The following MAST2 variants were observed in gnomAD, a reference collection of about 807,000 sequenced individuals.
The protein encoded by MAST2 is microtubule associated serine/threonine kinase 2.
A neutral mutation model predicts 147.4 loss-of-function variants in MAST2; 70 were observed. The ratio of observed to expected loss-of-function variants is 0.47; its 90% confidence interval spans 0.39 to 0.58. MAST2 has a LOEUF of 0.58. Ranked by LOEUF, MAST2 falls within the 20% of genes least tolerant of loss-of-function variation. The probability of loss-of-function intolerance (pLI) is 0.00; values close to 1 mark genes in which losing one functional copy is unlikely to be tolerated. For synonymous variants in MAST2, 869 were observed against 896.8 expected, an observed-to-expected ratio of 0.97 and a Z score of 0.55; for missense variants, 2,080 against 2,302.3, an observed-to-expected ratio of 0.90 and a Z score of 1.98.
intron 4 of MAST2, among the ~76,000 whole-genome samples, chr1:45,948,305 A>G (rs1658387152): frequency 6.6e-6 from 1 of 152,234 alleles, no homozygotes; most frequent in African/African-American, 2.4e-5. Flanking sequence ...AGGAAGAATC[A>G]ATATCATTAA....
intron 16 of MAST2, among the ~76,000 whole-genome samples, chr1:46,026,315 G>A (rs984104935): frequency 1.3e-5 from 2 of 152,192 alleles, no homozygotes; most frequent in Non-Finnish European, 2.9e-5. Context: ...GAGTCACACA[G>A]GTGCAAGAGA....
chr1:45,951,754 A>G (rs1658961337), intron 4 of MAST2, among the ~76,000 whole-genome samples: 1 of 152,236 alleles, frequency 6.6e-6, no homozygotes, highest in Admixed American at 6.5e-5. Context: ...ACAAAGTAAA[A>G]TTTTTATCAA....
intron 3 of MAST2, among the ~76,000 whole-genome samples, chr1:45,837,222 G>C (rs1030911351): frequency 6.6e-6 from 1 of 152,098 alleles, no homozygotes; most frequent in East Asian, 1.9e-4. Context: ...CCATGGACCT[G>C]GTATAGAATA....
chr1:46,034,598 G>A lies in MAST2; in HGVS notation c.3929G>A (p.Gly1310Asp). 6.2e-7 allele frequency: 1 copy of A among 1,614,014 alleles called. No individual in the cohort carries two copies. Among genetic ancestry groups the A allele is most frequent in the Non-Finnish European group, 8.5e-7 (1 of 1,180,000 alleles). The change falls in exon 29 of 29, where the codon GGC (glycine) becomes GAC (aspartate). Residue 1310 changes from glycine (G) to aspartate (D), a missense_variant. By Grantham distance (94) the Gly-to-Asp change is moderately conservative. Coordinates refer to ENST00000361297, the MANE Select transcript of MAST2 (RefSeq NM_015112.3). ...TCCAGCGTGCCCAGTTCCCCAGCCG[G>A]CTCTGGGCACACACGGCCCAGCTCC... is the stretch of plus-strand genomic sequence containing the variant. ...PSSSVPSSPA[G>D]SGHTRPSSLH...
intron 1 of MAST2, among the ~76,000 whole-genome samples, chr1:45,819,649 A>G (rs1339307186): frequency 6.6e-6 from 1 of 152,110 alleles, no homozygotes; most frequent in Non-Finnish European, 1.5e-5. Context: ...GAGATGAAAG[A>G]TCTCTCTAAT....
At chr1:45,949,855 T>C (rs1658669444) in intron 4 of MAST2, among the ~76,000 whole-genome samples, 1 of 152,184 alleles carries the variant, frequency 6.6e-6, no homozygotes, top group South Asian at 2.1e-4. Context: ...AAAGAAAATG[T>C]GGTACATATA....
chr1:45,963,814 G>C (rs940146568), intron 5 of MAST2, among the ~76,000 whole-genome samples: 3 of 152,214 alleles, frequency 2.0e-5, no homozygotes, highest in South Asian at 2.1e-4. Context: ...TAGGAGTGGT[G>C]AGAGAGGGCA....
At chr1:45,971,181 A>G (rs1371742236) in intron 5 of MAST2, among the ~76,000 whole-genome samples, 3 of 152,174 alleles carry the variant, frequency 2.0e-5, no homozygotes, top group Non-Finnish European at 2.9e-5. Context: ...GTTGCAGCCC[A>G]CTGGATGTAG....
intron 5 of MAST2, among the ~76,000 whole-genome samples, chr1:45,980,021 C>G (rs1478170046): frequency 2.0e-5 from 3 of 152,218 alleles, no homozygotes; most frequent in Non-Finnish European, 4.4e-5. Context: ...TGCAATGGCT[C>G]ACGCCTGTAA....
chr1:46,003,857 G>T (rs764613916), intron 7 of MAST2, among the ~76,000 whole-genome samples: 4 of 152,104 alleles, frequency 2.6e-5, no homozygotes, highest in Non-Finnish European at 5.9e-5. Context: ...GTCTTTGAAG[G>T]CCATACAGAA....
intron 4 of MAST2, among the ~76,000 whole-genome samples, chr1:45,889,566 A>T (rs996486100): frequency 2.0e-5 from 3 of 151,836 alleles, no homozygotes; most frequent in African/African-American, 7.3e-5. Flanking sequence ...TCCATGTTTT[A>T]CACAATGTGT....
chr1:45,965,640 C>T (rs1163244748), intron 5 of MAST2, among the ~76,000 whole-genome samples: 1 of 152,108 alleles, frequency 6.6e-6, no homozygotes, highest in Non-Finnish European at 1.5e-5. Context: ...ATATCTACTA[C>T]ATAAGTAGGT....
intron 5 of MAST2, among the ~76,000 whole-genome samples, chr1:45,977,361 G>A (rs918044630): frequency 4.6e-5 from 7 of 152,116 alleles, no homozygotes; most frequent in Admixed American, 1.3e-4. Context: ...GCTGGCGGGC[G>A]CCTATAATCC....
At chr1:45,995,634 T>C (rs1295157337) in intron 5 of MAST2, among the ~76,000 whole-genome samples, 1 of 152,164 alleles carries the variant, frequency 6.6e-6, no homozygotes, top group Non-Finnish European at 1.5e-5. Flanking sequence ...TTGCTTAGGC[T>C]GGTCTCAGAC....
At chr1:45,887,193 A>C (rs1001665885) in intron 4 of MAST2, among the ~76,000 whole-genome samples, 4 of 152,222 alleles carry the variant, frequency 2.6e-5, no homozygotes, top group African/African-American at 9.6e-5. Flanking sequence ...GCTTAATGTA[A>C]ATAATGCTTA....
intron 4 of MAST2, among the ~76,000 whole-genome samples, chr1:45,902,017 G>T (rs1649848692): frequency 1.3e-5 from 2 of 152,018 alleles, no homozygotes; most frequent in South Asian, 4.1e-4. Flanking sequence ...AGTACTATGT[G>T]GAATAGGAGT....
At chr1:45,877,123 C>T (rs1646640967) in intron 3 of MAST2, among the ~76,000 whole-genome samples, 1 of 152,222 alleles carries the variant, frequency 6.6e-6, no homozygotes, top group South Asian at 2.1e-4. Flanking sequence ...TATTTTCTCA[C>T]AGTCCTGGAG....
At chr1:45,824,382 A>T in intron 1 of MAST2, 51 bp from the exon 2 acceptor site, 2 of 1,401,010 alleles carry the variant, frequency 1.4e-6, no homozygotes, top group Non-Finnish European at 1.9e-6. Context: ...AAGTTTTTAT[A>T]CTTCAGAGGA....
chr1:46,030,161 G>A lies in MAST2; in HGVS notation c.2476G>A (p.Glu826Lys). 1 of 1,614,258 alleles carries A rather than the reference G, an allele frequency of 6.2e-7. No individual in the cohort carries two copies. Among genetic ancestry groups the A allele is most frequent in the Non-Finnish European group, 8.5e-7 (1 of 1,180,048 alleles). Residue 826 changes from glutamate (E) to lysine (K), a missense_variant, in exon 21 of 29, where the codon GAG (glutamate) becomes AAG (lysine). Around this residue, in one of 4 missense-constraint regions of MAST2, gnomAD observed 1,278 missense variants for 1,304.2 expected, o/e 0.98. Transcript: ENST00000361297. ...RSERYHHMDS[E>K]DEEEVSEDGC... ...AGAGCGATACCACCACATGGACTCGGAGGATGAGGAAGAAGTGAGTGAGGA... is the reference window on the plus strand; with the variant it reads ...AGAGCGATACCACCACATGGACTCGAAGGATGAGGAAGAAGTGAGTGAGGA...
Sources: gnomAD v4.1 joint callset for allele counts (sites outside exome capture counted in the v4.1 genomes callset) on GRCh38, gnomAD v4.1.1 for gene constraint, gnomAD v4.1.1 regional missense constraint, MANE v1.5 for transcripts, NCBI Gene and HGNC (gene_info 2026-07-23, HGNC 2026-07-21) for gene names.